Variants in MAP1B observed in about 807,000 individuals in gnomAD.
MAP1B encodes microtubule-associated protein 1B.
MAP1B carries 12 observed loss-of-function variants against 176.1 expected under a neutral mutation model. The ratio of observed to expected loss-of-function variants is 0.07; its 90% CI spans 0.04 to 0.11. The LOEUF (loss-of-function observed/expected upper bound fraction) is 0.11, where lower values mean the gene tolerates loss of function less well. Among genes scored for constraint, MAP1B ranks in the 10% least tolerant of loss-of-function variants. The pLI is 1.00. For missense variants in MAP1B, 2,523 were observed against 2,990.5 expected (o/e 0.84, Z 3.65); for synonymous variants, 1,044 against 1,135.0 (o/e 0.92, Z 1.61).
rs777905187 is a variant in MAP1B at position 72,198,799 on chromosome 5, A to G, written c.5444A>G (p.His1815Arg). The change falls in exon 5 of 7, where the codon CAC (histidine) becomes CGC (arginine). Residue 1815 changes from histidine (H) to arginine (R), a missense_variant. His to Arg is a conservative substitution (Grantham distance 29). This residue lies in a region of MAP1B where 1,925 missense variants were observed against 2,126.0 expected (regional missense o/e 0.91). Coordinates refer to ENST00000296755, the MANE Select transcript of MAP1B (RefSeq NM_005909.5). Reference protein sequence around the residue: ...SAVKEKTATCHSSSSPPIDAA... With the variant: ...SAVKEKTATCRSSSSPPIDAA... ...GTCAAAGAGAAAACAGCAACTTGCC[A>G]CAGTTCCTCTTCTCCACCAATAGAT... is the stretch of plus-strand genomic sequence containing the variant. 6.2e-7 allele frequency: 1 copy of G among 1,614,216 alleles called. No homozygotes were observed. Among genetic ancestry groups the G allele is most frequent in the South Asian group, 1.1e-5 (1 of 91,072 alleles).
At chr5:72,193,213 A>G in intron 4 of MAP1B, 1 of 374,400 alleles carries the variant, frequency 2.7e-6, no homozygotes, top group Non-Finnish European at 5.3e-6. Flanking sequence ...AGTAATAGGC[A>G]ATCCGTAACT....
rs146030940 is a variant in MAP1B at position 72,198,931 on chromosome 5, A to T, written c.5576A>T (p.Asp1859Val). Residue 1859 changes from aspartate to valine, a missense_variant, in exon 5 of 7, where the codon GAC (aspartate) becomes GTC (valine). Transcript: ENST00000296755. ...RDLSTPGLEK[D>V]SGGKTPGDFS... Reference sequence around the variant, plus strand: ...TTGTCCACACCTGGCCTGGAGAAGGACAGTGGAGGGAAGACACCTGGTGAC... The same window carrying T: ...TTGTCCACACCTGGCCTGGAGAAGGTCAGTGGAGGGAAGACACCTGGTGAC... 6.2e-7 allele frequency: 1 copy of T among 1,614,206 alleles called. No individual in the cohort carries two copies. Among genetic ancestry groups the T allele is most frequent in the Non-Finnish European group, 8.5e-7 (1 of 1,180,028 alleles).
chr5:72,182,300 C>T (rs1746789149), intron 2 of MAP1B, among the ~76,000 whole-genome samples: 1 of 152,168 alleles, frequency 6.6e-6, no homozygotes, highest in Non-Finnish European at 1.5e-5. Context: ...GTTGCCTATT[C>T]TAGAGATTTC....
At chr5:72,175,228 C>T (rs1234297191) in intron 2 of MAP1B, among the ~76,000 whole-genome samples, 2 of 151,780 alleles carry the variant, frequency 1.3e-5, no homozygotes, top group African/African-American at 2.4e-5. Flanking sequence ...CCATGCCTGA[C>T]GAATTTTTGT....
At chr5:72,135,332 A>G (rs978666604) in intron 2 of MAP1B, among the ~76,000 whole-genome samples, 2 of 152,134 alleles carry the variant, frequency 1.3e-5, no homozygotes, top group Non-Finnish European at 1.5e-5. Flanking sequence ...TCTAAAAATT[A>G]TTTCCTTTCA....
intron 2 of MAP1B, among the ~76,000 whole-genome samples, chr5:72,177,861 AT>A (rs1387830113): frequency 1.3e-5 from 2 of 152,150 alleles, no homozygotes; most frequent in African/African-American, 4.8e-5. Context: ...GCTCAAAAAA[AT>A]TTACTTTGGT....
At chr5:72,203,523 C>A in intron 5 of MAP1B, 40 bp from the exon 6 acceptor site, 2 of 1,459,812 alleles carry the variant, frequency 1.4e-6, no homozygotes, top group South Asian at 1.1e-5. Context: ...GTCTCTTCAC[C>A]TTGCTATGAC....
In MAP1B at chr5:72,132,858, T is replaced by C. The variant is rs186262145; in HGVS notation, c.286+17059T>C. 2.0e-3 allele frequency among the ~76,000 whole-genome samples: 304 copies of C among 152,256 alleles called. 1 individual carries two copies. Among genetic ancestry groups the C allele is most frequent in the African/African-American group, 6.8e-3 (283 of 41,540 alleles). On this transcript the variant is annotated intron_variant, in intron 2 of 6. Coordinates refer to ENST00000296755, the MANE Select transcript of MAP1B (RefSeq NM_005909.5). ...TTGTGCTGCAGAGTCTTTTCAAAGG[T>C]CCCATTTAGAGCTCTGTTTGTTTCC...
intron 2 of MAP1B, among the ~76,000 whole-genome samples, chr5:72,153,842 G>C (rs1476958946): frequency 6.6e-6 from 1 of 152,082 alleles, no homozygotes; most frequent in Non-Finnish European, 1.5e-5. Context: ...GACCTTATGA[G>C]CAGTGTTGCA....
At position 72,198,736 on chromosome 5, in the gene MAP1B, C is replaced by T; in HGVS notation, c.5381C>T (p.Pro1794Leu). The change falls in exon 5 of 7, where the codon CCT (proline) becomes CTT (leucine). Residue 1794 changes from proline to leucine, a missense_variant. By Grantham distance (98) the Pro-to-Leu change is moderately conservative. This residue lies in a region of MAP1B where 1,925 missense variants were observed against 2,126.0 expected (regional missense o/e 0.91). Transcript: ENST00000296755. ...ISPLTPRESS[P>L]LYSPTFSDST... is the part of the protein sequence containing the mutation. Reference sequence around the variant, plus strand: ...CCACTCACCCCACGAGAGTCCTCTCCTTTATATTCACCTACTTTTTCAGAT... The same window carrying T: ...CCACTCACCCCACGAGAGTCCTCTCTTTTATATTCACCTACTTTTTCAGAT... 1 of 1,614,164 alleles carries T rather than the reference C, an allele frequency of 6.2e-7. No individual in the cohort carries two copies. Among genetic ancestry groups the T allele is most frequent in the Non-Finnish European group, 8.5e-7 (1 of 1,180,022 alleles).
At chr5:72,187,136 T>A (rs541643487) in intron 4 of MAP1B, among the ~76,000 whole-genome samples, 41 of 152,204 alleles carry the variant, frequency 2.7e-4, no homozygotes, top group Non-Finnish European at 3.2e-4. Context: ...TTTCCAGGCC[T>A]AATTATTTCA....
intron 2 of MAP1B, among the ~76,000 whole-genome samples, chr5:72,179,076 T>C (rs1431828736): frequency 6.6e-6 from 1 of 152,114 alleles, no homozygotes; most frequent in Non-Finnish European, 1.5e-5. Flanking sequence ...CGAGGGTCCT[T>C]AGACTGTCCT....
chr5:72,178,467 A>AG (rs756224032), intron 2 of MAP1B, among the ~76,000 whole-genome samples: 28 of 152,194 alleles, frequency 1.8e-4, no homozygotes, highest in Non-Finnish European at 2.8e-4. Flanking sequence ...GAACCTGGGC[A>AG]GGGGGCTGGA....
intron 1 of MAP1B, among the ~76,000 whole-genome samples, chr5:72,115,027 GC>G (rs1469573590): frequency 1.3e-5 from 2 of 152,166 alleles, no homozygotes; most frequent in African/African-American, 4.8e-5. Flanking sequence ...TAAAAGAGCT[GC>G]CTGCCAAGCT....
Position 72,207,395 on chromosome 5 carries a change from G to C in MAP1B, c.*2156G>C, listed in dbSNP as rs1406757319. 1 of 151,916 alleles carries C rather than the reference G, an allele frequency of 6.6e-6. No homozygotes were observed. The highest frequency in any genetic ancestry group is 6.6e-5 in the Admixed American group (1 of 15,252). The allele number at this position is 151,916 out of a possible 1,614,324, so 9.4% of individuals were successfully genotyped here. Reference sequence around the variant, plus strand: ...GTTTTGCACTGCTAACTATGATGAGGGTTTAAAAAAATGCTTCTTCAGGGT... The same window carrying C: ...GTTTTGCACTGCTAACTATGATGAGCGTTTAAAAAAATGCTTCTTCAGGGT... On this transcript the variant is annotated 3_prime_UTR_variant, in exon 7 of 7. Transcript: ENST00000296755.
chr5:72,208,892 CTTT>C lies in MAP1B; in HGVS notation c.*3662_*3664del, dbSNP rs60961013. The C allele has an allele frequency of 1.4e-5, 2 of 147,254 alleles. No individual in the cohort carries two copies. The highest frequency in any genetic ancestry group is 5.0e-5 in the African/African-American group (2 of 40,336). 9.1% of individuals were successfully genotyped at this position (147,254 alleles called of 1,614,324 possible). A position where few individuals can be genotyped will look rare whatever the true frequency, so the allele number is the denominator to read the frequency against. ...ATGATATTGTGAGTTAGGATAATAA[CTTT>C]TTTTTTTTGTGCTTCAGATTTAGAA... is the stretch of plus-strand genomic sequence containing the variant. On this transcript the variant is annotated 3_prime_UTR_variant, in exon 7 of 7. Transcript: ENST00000296755.
intron 2 of MAP1B, among the ~76,000 whole-genome samples, chr5:72,171,057 T>G (rs1005045121): frequency 2.6e-5 from 4 of 152,202 alleles, no homozygotes; most frequent in African/African-American, 9.7e-5. Context: ...GACACCCTTC[T>G]CTTGCTGCTG....
rs1338318094 is a variant in MAP1B, at chr5:72,107,576, C to T, written c.45C>T (p.Gly15=). The part of the protein sequence containing the change: ...VVEATEPEPS[G]SIANPAASTS... ...AAGCCACCGAGCCGGAGCCGTCCGGCAGCATCGCCAACCCGGCGGCGTCCA... is the reference window on the plus strand; with the variant it reads ...AAGCCACCGAGCCGGAGCCGTCCGGTAGCATCGCCAACCCGGCGGCGTCCA... The change falls in exon 1 of 7, where the codon GGC becomes GGT. Residue 15 remains glycine, a synonymous_variant. Transcript: ENST00000296755. 1 of 1,590,046 alleles carries T rather than the reference C, an allele frequency of 6.3e-7. No individual in the cohort carries two copies.
rs551347988 is a variant in MAP1B at position 72,208,154 on chromosome 5, G to C, written c.*2915G>C. 28 of 152,106 alleles carry C rather than the reference G, an allele frequency of 1.8e-4. No homozygotes were observed. Among genetic ancestry groups the C allele is most frequent in the Non-Finnish European group, 3.8e-4 (26 of 68,006 alleles). The allele number at this position is 152,106 out of a possible 1,614,324, so 9.4% of individuals were successfully genotyped here. ...ATTACAGGTTGCTCCTGTCCTTCCA[G>C]ACACCTTTCCTGCCTGTGTGACTAA... On this transcript the variant is annotated 3_prime_UTR_variant, in exon 7 of 7. Coordinates refer to ENST00000296755, the MANE Select transcript of MAP1B (RefSeq NM_005909.5).
Sources: allele counts gnomAD v4.1 joint callset (sites outside exome capture counted in the v4.1 genomes callset), GRCh38; gene constraint gnomAD v4.1.1; regional missense constraint gnomAD v4.1.1; transcripts MANE v1.5; gene names NCBI Gene and HGNC (gene_info 2026-07-23, HGNC 2026-07-21).